The following MUSK variants were observed in gnomAD, a reference collection of about 807,000 sequenced individuals.
MUSK encodes muscle, skeletal receptor tyrosine-protein kinase.
MUSK carries 55 observed loss-of-function variants against 88.7 expected under a neutral mutation model. That is an observed-to-expected ratio of 0.62 (90% CI 0.50 to 0.78). The LOEUF (loss-of-function observed/expected upper bound fraction) is 0.78. Among genes scored for constraint, MUSK ranks in the 30% least tolerant of loss-of-function variants. The pLI is 0.00. For missense variants in MUSK, 1,015 were observed against 1,074.3 expected, an observed-to-expected ratio of 0.94 and a Z score of 0.77; for synonymous variants, 387 against 391.9, an observed-to-expected ratio of 0.99 and a Z score of 0.15.
intron 14 of MUSK, among the ~76,000 whole-genome samples, chr9:110,790,579 T>A (rs976367680): frequency 2.0e-5 from 3 of 152,156 alleles, no homozygotes; most frequent in Non-Finnish European, 4.4e-5. Context: ...AGATCAACCA[T>A]AGTAATAAGA....
At chr9:110,724,921 T>A (rs868740477) in intron 5 of MUSK, among the ~76,000 whole-genome samples, 1 of 152,014 alleles carries the variant, frequency 6.6e-6, no homozygotes, top group Non-Finnish European at 1.5e-5. Flanking sequence ...AAAGTATTGA[T>A]GTTTAAAAGT....
rs761980765 is a variant in MUSK at position 110,768,103 on chromosome 9, T to C, written c.1184+20T>C. ...TTGCAGGTAAAATCTCAAAAATAAG[T>C]CAAAGGAAAAATTCCATTTTTCTAT... On this transcript the variant is annotated intron_variant, in intron 9 of 14. Coordinates refer to ENST00000374448, the MANE Select transcript of MUSK (RefSeq NM_005592.4). 141 of 1,576,258 alleles carry C rather than the reference T, an allele frequency of 8.9e-5. No individual in the cohort carries two copies. The highest frequency in any genetic ancestry group is 1.1e-4 in the Non-Finnish European group (130 of 1,160,368).
intron 6 of MUSK, among the ~76,000 whole-genome samples, chr9:110,738,498 C>T (rs1477197308): frequency 6.6e-6 from 1 of 152,154 alleles, no homozygotes; most frequent in East Asian, 1.9e-4. Flanking sequence ...AACATTATCC[C>T]AACTTAGTCA....
chr9:110,752,779 G>T (rs564274411), intron 7 of MUSK, among the ~76,000 whole-genome samples: 1 of 152,162 alleles, frequency 6.6e-6, no homozygotes, highest in Non-Finnish European at 1.5e-5. Flanking sequence ...TAAAGATCAG[G>T]CTTCATTTTT....
chr9:110,689,874 A>C (rs867034188), intron 3 of MUSK, among the ~76,000 whole-genome samples: 86 of 71,616 alleles, frequency 1.2e-3, no homozygotes, highest in African/African-American at 3.5e-3. Context: ...TTAAATATAA[A>C]TATATATTTA....
At chr9:110,680,383 CTT>C (rs11461650) in intron 1 of MUSK, among the ~76,000 whole-genome samples, 3 of 141,624 alleles carry the variant, frequency 2.1e-5, no homozygotes, top group Non-Finnish European at 3.0e-5. Context: ...TTCTTTTTTT[CTT>C]TTTTTTTTTT....
chr9:110,671,442 A>G (rs1436559498), intron 1 of MUSK, among the ~76,000 whole-genome samples: 1 of 152,238 alleles, frequency 6.6e-6, no homozygotes, highest in Non-Finnish European at 1.5e-5. Flanking sequence ...TACAATATGT[A>G]TTAGCTAATA....
At chr9:110,760,202 G>A (rs959890565) in intron 7 of MUSK, among the ~76,000 whole-genome samples, 13 of 152,060 alleles carry the variant, frequency 8.5e-5, no homozygotes, top group African/African-American at 2.9e-4. Context: ...CAGCAATTCC[G>A]CTACTGAGTA....
At chr9:110,711,213 T>A (rs2076665790) in intron 5 of MUSK, among the ~76,000 whole-genome samples, 1 of 152,160 alleles carries the variant, frequency 6.6e-6, no homozygotes. Context: ...GTAACAAACC[T>A]GCACGTTGTG....
chr9:110,800,816 A>G lies in MUSK; in HGVS notation c.2438A>G (p.Tyr813Cys). The G allele has an allele frequency of 1.9e-6, 3 of 1,613,272 alleles. No individual in the cohort carries two copies. Among genetic ancestry groups the G allele is most frequent in the South Asian group, 1.1e-5 (1 of 91,064 alleles). ...GGGATGGCCCATGAGGAGGTCATTT[A>G]CTACGTGCGAGATGGCAACATCCTC... ...YYGMAHEEVI[Y>C]YVRDGNILSC... Residue 813 changes from tyrosine to cysteine, a missense_variant, in exon 15 of 15, where the codon TAC becomes TGC. Coordinates refer to ENST00000374448, the MANE Select transcript of MUSK (RefSeq NM_005592.4).
In MUSK at chr9:110,800,545, C is replaced by G; in HGVS notation, c.2167C>G (p.His723Asp). Residue 723 changes from histidine to aspartate, a missense_variant, in exon 15 of 15, where the codon CAC becomes GAC. Transcript: ENST00000374448. ...TTACCTCTCAGAACGTAAGTTTGTT[C>G]ACCGAGATTTAGCCACCAGGAACTG... Reference protein sequence around the residue: ...MAYLSERKFVHRDLATRNCLV... With the variant: ...MAYLSERKFVDRDLATRNCLV... 3 of 1,613,864 alleles carry G rather than the reference C, an allele frequency of 1.9e-6. No homozygotes were observed. Among genetic ancestry groups the G allele is most frequent in the Non-Finnish European group, 2.5e-6 (3 of 1,179,860 alleles).
rs10980531 is a variant in MUSK at position 110,695,446 on chromosome 9, G to A, written c.402G>A (p.Glu134=). ...CTCCCATAAATGTGAAAATAATAGA[G>A]GGATTAAAAGCAGTCCTACCATGTA... ...TRPPINVKII[E]GLKAVLPCTT... The change falls in exon 4 of 15, where the codon GAG becomes GAA. Residue 134 remains glutamate, a synonymous_variant. Transcript: ENST00000374448. The A allele has an allele frequency of 0.17, 268,097 of 1,535,178 alleles. 24,102 individuals carry two copies. Among genetic ancestry groups the A allele is most frequent in the East Asian group, 0.22 (9,516 of 42,382 alleles).
intron 8 of MUSK, among the ~76,000 whole-genome samples, chr9:110,765,726 A>G (rs894588720): frequency 1.3e-5 from 2 of 151,748 alleles, no homozygotes; most frequent in African/African-American, 4.8e-5. Flanking sequence ...GATGTCCGCC[A>G]CCACGCCCGG....
rs1031306799 is a variant in MUSK, at chr9:110,697,701, A to T, written c.628+235A>T. On this transcript the variant is annotated intron_variant, in intron 5 of 14. Transcript: ENST00000374448. ...CATTGATTACTCACAATCACTGGTAATTTTTACCAAAACAGACTAAATTTA... is the reference window on the plus strand; with the variant it reads ...CATTGATTACTCACAATCACTGGTATTTTTTACCAAAACAGACTAAATTTA... 1.1e-4 allele frequency among the ~76,000 whole-genome samples: 16 copies of T among 152,168 alleles called. 1 individual carries two copies. The highest frequency in any genetic ancestry group is 3.9e-4 in the African/African-American group (16 of 41,434).
chr9:110,788,042 C>A, intron 14 of MUSK: 1 of 579,270 alleles, frequency 1.7e-6, no homozygotes. Flanking sequence ...AAATTCATCA[C>A]TTCAATTTGT....
chr9:110,678,786 A>G (rs895605530), intron 1 of MUSK, among the ~76,000 whole-genome samples: 59 of 152,256 alleles, frequency 3.9e-4, no homozygotes, highest in African/African-American at 1.3e-3. Flanking sequence ...ATCAGGGCTT[A>G]CAGTTGATGT....
intron 3 of MUSK, among the ~76,000 whole-genome samples, chr9:110,692,503 A>C (rs2076370100): frequency 6.6e-6 from 1 of 151,910 alleles, no homozygotes; most frequent in Non-Finnish European, 1.5e-5. Context: ...TAAAGACCAA[A>C]GCTTTTTAGA....
intron 5 of MUSK, among the ~76,000 whole-genome samples, chr9:110,732,663 T>C (rs1295218789): frequency 6.6e-6 from 1 of 152,114 alleles, no homozygotes; most frequent in African/African-American, 2.4e-5. Flanking sequence ...CCCCAGGACT[T>C]ACTTAAAATC....
chr9:110,742,148 A>G lies in MUSK; in HGVS notation c.754-5493A>G, dbSNP rs144663389. ...TCTTAAGCCTGTCAAGGGAGTATAA[A>G]GACATCCTAAGAAAATTTGGAGACT... On this transcript the variant is annotated intron_variant, in intron 6 of 14. Coordinates refer to ENST00000374448, the MANE Select transcript of MUSK (RefSeq NM_005592.4). 4.5e-3 allele frequency among the ~76,000 whole-genome samples: 688 copies of G among 152,248 alleles called. 4 individuals are homozygous for G. The highest frequency in any genetic ancestry group is 5.9e-3 in the Non-Finnish European group (398 of 67,992).
Sources: gnomAD v4.1 joint callset for allele counts (sites outside exome capture counted in the v4.1 genomes callset) on GRCh38, gnomAD v4.1.1 for gene constraint, MANE v1.5 for transcripts, NCBI Gene and HGNC (gene_info 2026-07-23, HGNC 2026-07-21) for gene names.